Variants in PIBF1 observed in about 807,000 individuals in gnomAD.
The protein encoded by PIBF1 is progesterone-induced-blocking factor 1.
In PIBF1, 90 loss-of-function variants were observed where a neutral mutation model predicts 112.5. The ratio of observed to expected loss-of-function variants is 0.80; its 90% confidence interval spans 0.67 to 0.95. PIBF1 has a LOEUF of 0.95. PIBF1 is among the 40% of genes least tolerant of loss of function. The probability of loss-of-function intolerance (pLI) is 0.00; values close to 1 mark genes in which losing one functional copy is unlikely to be tolerated. For synonymous variants in PIBF1, 301 were observed against 288.6 expected (o/e 1.04, Z -0.44); for missense variants, 915 against 852.3 (o/e 1.07, Z -0.92).
At chr13:73,013,110 G>C (rs2044255401) in intron 17 of PIBF1, among the ~76,000 whole-genome samples, 1 of 151,536 alleles carries the variant, frequency 6.6e-6, no homozygotes, top group Non-Finnish European at 1.5e-5. Flanking sequence ...GACCATCCTG[G>C]CTAACACGGT....
intron 11 of PIBF1, among the ~76,000 whole-genome samples, chr13:72,902,843 T>C (rs1021593779): frequency 3.9e-5 from 6 of 152,082 alleles, no homozygotes; most frequent in Non-Finnish European, 7.4e-5. Context: ...TTGACTATGG[T>C]TTACATGTTC....
At chr13:72,952,035 C>CTTTTTTTTGT (rs2042312434) in intron 14 of PIBF1, among the ~76,000 whole-genome samples, 1 of 123,002 alleles carries the variant, frequency 8.1e-6, no homozygotes, top group Admixed American at 8.8e-5. Flanking sequence ...TTTCTTTTCT[C>CTTTTTTTTGT]TTTTTTTTTT....
chr13:72,803,586 T>A (rs2035588802), intron 5 of PIBF1, among the ~76,000 whole-genome samples: 1 of 152,210 alleles, frequency 6.6e-6, no homozygotes, highest in Non-Finnish European at 1.5e-5. Context: ...GGGACTTTCT[T>A]AATATCTAAA....
chr13:73,007,391 G>T (rs547849729), intron 17 of PIBF1, among the ~76,000 whole-genome samples: 5 of 151,474 alleles, frequency 3.3e-5, no homozygotes, highest in African/African-American at 1.2e-4. Context: ...CCACCTCCTG[G>T]GTTCAAGCAG....
intron 17 of PIBF1, among the ~76,000 whole-genome samples, chr13:73,011,438 A>G (rs913043834): frequency 7.2e-5 from 11 of 151,938 alleles, no homozygotes; most frequent in Admixed American, 2.0e-4. Flanking sequence ...TGGGAGGGAA[A>G]AAAGAACATT....
At chr13:72,948,925 G>A (rs1017146694) in intron 14 of PIBF1, among the ~76,000 whole-genome samples, 2 of 150,700 alleles carry the variant, frequency 1.3e-5, no homozygotes, top group African/African-American at 2.4e-5. Context: ...CTGATGACAT[G>A]TGGGGATTAT....
chr13:72,808,541 G>A (rs984286112), intron 5 of PIBF1, among the ~76,000 whole-genome samples: 1 of 152,124 alleles, frequency 6.6e-6, no homozygotes, highest in East Asian at 1.9e-4. Flanking sequence ...AAATTACTTG[G>A]TTGTACTCAA....
At chr13:72,857,289 A>G (rs2038466373) in intron 10 of PIBF1, among the ~76,000 whole-genome samples, 1 of 152,232 alleles carries the variant, frequency 6.6e-6, no homozygotes, top group South Asian at 2.1e-4. Flanking sequence ...TAAAAACCTA[A>G]GAAGCCATAG....
chr13:72,825,492 A>G (rs1401298671), intron 6 of PIBF1, among the ~76,000 whole-genome samples: 2 of 152,178 alleles, frequency 1.3e-5, no homozygotes, highest in African/African-American at 4.8e-5. Context: ...ACCTAACACC[A>G]ATCGAAAATA....
chr13:72,805,551 T>C (rs1228500973), intron 5 of PIBF1, among the ~76,000 whole-genome samples: 2 of 152,208 alleles, frequency 1.3e-5, no homozygotes, highest in Non-Finnish European at 2.9e-5. Context: ...CTCATACTTA[T>C]TTAAGGTTGG....
At chr13:72,801,201 TG>T (rs925347319) in intron 5 of PIBF1, among the ~76,000 whole-genome samples, 1 of 152,124 alleles carries the variant, frequency 6.6e-6, no homozygotes, top group Non-Finnish European at 1.5e-5. Context: ...TGCAGGATTT[TG>T]GAAAGAGGTC....
intron 13 of PIBF1, among the ~76,000 whole-genome samples, chr13:72,921,734 A>G (rs1200988239): frequency 6.6e-6 from 1 of 152,188 alleles, no homozygotes; most frequent in Non-Finnish European, 1.5e-5. Flanking sequence ...CAATACCACA[A>G]AATTAAAATG....
chr13:72,931,199 A>G lies in PIBF1; in HGVS notation c.1765A>G (p.Lys589Glu). 1 of 1,613,222 alleles carries G rather than the reference A, an allele frequency of 6.2e-7. No individual in the cohort carries two copies. The highest frequency in any genetic ancestry group is 8.5e-7 in the Non-Finnish European group (1 of 1,179,512). ...GGCAAGAAGAGTGCTTCAATTAGAA[A>G]AACAAAACTCGCTGATTTTAAAAGA... ...HLARRVLQLE[K>E]QNSLILKDLE... The change falls in exon 14 of 18, where the codon AAA becomes GAA. Residue 589 changes from lysine (K) to glutamate (E), a missense_variant. Transcript: ENST00000326291.
chr13:72,915,101 G>T (rs952536272), intron 12 of PIBF1, among the ~76,000 whole-genome samples: 2 of 152,068 alleles, frequency 1.3e-5, no homozygotes, highest in African/African-American at 4.8e-5. Flanking sequence ...TGTAAGTGAT[G>T]CAGACATGGT....
intron 16 of PIBF1, among the ~76,000 whole-genome samples, chr13:72,988,569 CT>C (rs1398520322): frequency 6.6e-6 from 1 of 152,072 alleles, no homozygotes; most frequent in Non-Finnish European, 1.5e-5. Flanking sequence ...ATTATATTTG[CT>C]TTAATAGTAG....
At chr13:72,937,569 T>C (rs1005705487) in intron 14 of PIBF1, among the ~76,000 whole-genome samples, 3 of 152,064 alleles carry the variant, frequency 2.0e-5, no homozygotes, top group Non-Finnish European at 4.4e-5. Flanking sequence ...CCTGTAATCC[T>C]AGCACTTTGA....
In PIBF1 at chr13:72,996,719, A is replaced by T. The variant is rs374496583; in HGVS notation, c.2050-2103A>T. Among the ~76,000 whole-genome samples, 3 of 152,204 alleles carry T rather than the reference A, an allele frequency of 2.0e-5. No individual in the cohort carries two copies. In the South Asian group the frequency reaches 6.2e-4, roughly 32 times the overall value. ...GGTAGGATGGTTTGAATGAACTGTGATCACACCATAGCACTCTAGCATGGA... is the reference window on the plus strand; with the variant it reads ...GGTAGGATGGTTTGAATGAACTGTGTTCACACCATAGCACTCTAGCATGGA... On this transcript the variant is annotated intron_variant, in intron 16 of 17. Transcript: ENST00000326291.
At chr13:72,904,243 T>G (rs7986725) in intron 11 of PIBF1, among the ~76,000 whole-genome samples, 1 of 151,524 alleles carries the variant, frequency 6.6e-6, no homozygotes, top group African/African-American at 2.4e-5. Context: ...GAAACTACAA[T>G]GCAAAGAAAC....
At chr13:72,945,983 T>C (rs1052267490) in intron 14 of PIBF1, among the ~76,000 whole-genome samples, 1 of 152,116 alleles carries the variant, frequency 6.6e-6, no homozygotes, top group Non-Finnish European at 1.5e-5. Flanking sequence ...ATGAAACCCC[T>C]GAGTTGGCCA....
Sources: gnomAD v4.1 joint callset for allele counts (sites outside exome capture counted in the v4.1 genomes callset) on GRCh38, gnomAD v4.1.1 for gene constraint, MANE v1.5 for transcripts, NCBI Gene and HGNC (gene_info 2026-07-23, HGNC 2026-07-21) for gene names.